SAMD5: variants seen among roughly 807,000 people sequenced by gnomAD.
The protein encoded by SAMD5 is sterile alpha motif domain containing 5, also known as sterile alpha motif domain-containing protein 5.
A neutral mutation model predicts 11.3 loss-of-function variants in SAMD5; 13 were observed. The ratio of observed to expected loss-of-function variants is 1.15; its 90% CI spans 0.75 to 1.83. The LOEUF is 1.83. Among genes scored for constraint, SAMD5 ranks in the 40% most tolerant of loss-of-function variants. The pLI is 0.00. For synonymous variants in SAMD5, 129 were observed against 111.3 expected, an observed-to-expected ratio of 1.16 and a Z score of -1.00; for missense variants, 255 against 239.1, an observed-to-expected ratio of 1.07 and a Z score of -0.44.
intron 1 of SAMD5, among the ~76,000 whole-genome samples, chr6:147,602,660 C>T (rs1789640574): frequency 6.6e-6 from 1 of 152,144 alleles, no homozygotes; most frequent in South Asian, 2.1e-4. Flanking sequence ...AGGAGAATCG[C>T]TTGAACCTGG....
chr6:147,534,555 G>C (rs1231188262), intron 1 of SAMD5, among the ~76,000 whole-genome samples: 1 of 152,154 alleles, frequency 6.6e-6, no homozygotes, highest in African/African-American at 2.4e-5. Context: ...AGCATTCAGG[G>C]AGCAGAGTTT....
downstream of SAMD5, among the ~76,000 whole-genome samples, chr6:147,573,638 C>G (rs1442756992): frequency 1.3e-5 from 2 of 152,104 alleles, no homozygotes; most frequent in African/African-American, 2.4e-5. Flanking sequence ...AGTGAGGTTA[C>G]TAATAGCCCC....
chr6:147,882,716 G>A, the SAMD5 span, among the ~76,000 whole-genome samples: 3 of 152,278 alleles, frequency 2.0e-5, no homozygotes, highest in Middle Eastern at 3.4e-3. Context: ...AAGCCATGCC[G>A]GTGTGAGGAC....
intron 1 of SAMD5, among the ~76,000 whole-genome samples, chr6:147,545,133 G>A (rs533262841): frequency 1.3e-5 from 2 of 152,124 alleles, no homozygotes; most frequent in Non-Finnish European, 2.9e-5. Flanking sequence ...TGAAATTGTG[G>A]TCTGTGGCTC....
the SAMD5 span, among the ~76,000 whole-genome samples, chr6:147,848,599 C>T: frequency 6.6e-6 from 1 of 152,142 alleles, no homozygotes; most frequent in Non-Finnish European, 1.5e-5. Flanking sequence ...AGAGATGGAA[C>T]TCAAACCATC....
chr6:147,545,239 T>C (rs1316799742), intron 1 of SAMD5, among the ~76,000 whole-genome samples: 1 of 152,228 alleles, frequency 6.6e-6, no homozygotes, highest in African/African-American at 2.4e-5. Context: ...TTATTTATTC[T>C]TTAATAGATA....
chr6:147,509,494 C>T, intron 1 of SAMD5, 107 bp downstream of exon 1: 1 of 1,003,588 alleles, frequency 1.0e-6, no homozygotes, highest in Non-Finnish European at 1.4e-6. Context: ...ACGGAGAGGC[C>T]AGGAGGCTTT....
At chr6:147,648,333 C>T (rs999604760) in intron 1 of SAMD5, among the ~76,000 whole-genome samples, 8 of 152,118 alleles carry the variant, frequency 5.3e-5, no homozygotes, top group Non-Finnish European at 8.8e-5. Context: ...CATCAGATCT[C>T]GTGAGAACTC....
the SAMD5 span, among the ~76,000 whole-genome samples, chr6:147,879,985 A>G: frequency 5.9e-5 from 9 of 152,168 alleles, no homozygotes; most frequent in Admixed American, 1.3e-4. Context: ...TCTTTTTAGG[A>G]TAACTCTTAA....
rs373257342 is a variant in SAMD5 at position 147,673,300 on chromosome 6, G to A, written c.163-64017G>A. Among the ~76,000 whole-genome samples, 458 of 151,600 alleles carry A rather than the reference G, an allele frequency of 3.0e-3. 2 individuals carry two copies. The highest frequency in any genetic ancestry group is 0.011 in the African/African-American group (439 of 41,242). On this transcript the variant is annotated intron_variant, in intron 1 of 1. Transcript: ENST00000566741. ...GTGATCTCTGCTCACTGCAAGCTCC[G>A]CCTCCTGGGTTCACGCCATTCTCCT...
downstream of SAMD5, among the ~76,000 whole-genome samples, chr6:147,570,255 A>G (rs1447050710): frequency 1.3e-5 from 2 of 152,088 alleles, no homozygotes; most frequent in African/African-American, 2.4e-5. Flanking sequence ...ATATGTGAGT[A>G]TGTTGTCGCC....
At chr6:147,699,501 T>A (rs1004663133) in intron 1 of SAMD5, among the ~76,000 whole-genome samples, 4 of 152,198 alleles carry the variant, frequency 2.6e-5, no homozygotes, top group African/African-American at 9.6e-5. Flanking sequence ...ATTATAATCA[T>A]ACAAGCAGTG....
chr6:147,555,992 C>T (rs989752426), intron 1 of SAMD5, among the ~76,000 whole-genome samples: 1 of 151,900 alleles, frequency 6.6e-6, no homozygotes, highest in Non-Finnish European at 1.5e-5. Context: ...GAGATATGCA[C>T]AAATGTAAAA....
chr6:147,821,156 T>C, the SAMD5 span, among the ~76,000 whole-genome samples: 1,178 of 152,350 alleles, frequency 7.7e-3, 17 homozygotes, highest in Middle Eastern at 0.041. Context: ...TGCAATATTT[T>C]ATAACTTCAT....
the SAMD5 span, among the ~76,000 whole-genome samples, chr6:147,816,943 AG>A: frequency 8.5e-6 from 1 of 117,188 alleles, no homozygotes; most frequent in Non-Finnish European, 1.7e-5. Flanking sequence ...AGAGACATGT[AG>A]AAAAAAAAAA....
chr6:147,813,977 G>A, the SAMD5 span, among the ~76,000 whole-genome samples: 4 of 152,218 alleles, frequency 2.6e-5, no homozygotes, highest in Non-Finnish European at 4.4e-5. Flanking sequence ...AAGAGAAGTT[G>A]TGTTTACTCT....
At position 147,508,979 on chromosome 6, in the gene SAMD5, G is replaced by A; in HGVS notation, c.51G>A (p.Gln17=). ...YEWLKALQLP[Q]YAESFVDNGY... is the part of the protein sequence containing the mutation. ...GGCTCAAAGCGCTGCAGCTTCCGCA[G>A]TACGCGGAGTCCTTCGTGGATAACG... Residue 17 remains glutamine, a synonymous_variant, in exon 1 of 2, where the codon CAG becomes CAA. Coordinates refer to ENST00000367474, the MANE Select transcript of SAMD5 (RefSeq NM_001030060.3). The A allele has an allele frequency of 1.2e-6, 2 of 1,601,502 alleles. No individual in the cohort carries two copies. Among genetic ancestry groups the A allele is most frequent in the African/African-American group, 1.3e-5 (1 of 74,256 alleles).
chr6:147,721,147 G>A lies in SAMD5; in HGVS notation c.163-16170G>A, dbSNP rs572276890. On this transcript the variant is annotated intron_variant, in intron 1 of 1. Transcript: ENST00000566741. The stretch of plus-strand genomic sequence containing the variant: ...AAGTCTTTGCTATTGTGAATAATGC[G>A]GCAATAAACATACGTGTGCATGTGT... 7.2e-3 allele frequency among the ~76,000 whole-genome samples: 1,025 copies of A among 142,178 alleles called. 11 individuals carry two copies. The highest frequency in any genetic ancestry group is 0.027 in the African/African-American group (953 of 34,766). The allele number at this position is 142,178 out of a possible 152,430, so 93.3% of individuals were successfully genotyped here.
intron 1 of SAMD5, among the ~76,000 whole-genome samples, chr6:147,631,486 G>A (rs1023379057): frequency 6.6e-6 from 1 of 152,066 alleles, no homozygotes; most frequent in Non-Finnish European, 1.5e-5. Flanking sequence ...GATTGATGCC[G>A]GTAAGAGGTA....
Sources: gnomAD v4.1 joint callset for allele counts (sites outside exome capture counted in the v4.1 genomes callset) on GRCh38, gnomAD v4.1.1 for gene constraint, MANE v1.5 for transcripts, NCBI Gene and HGNC (gene_info 2026-07-23, HGNC 2026-07-21) for gene names.